The following LCA5L variants were observed in gnomAD, a reference collection of about 807,000 sequenced individuals.
LCA5L encodes lebercilin-like protein.
LCA5L carries 35 observed loss-of-function variants against 45.4 expected under a neutral mutation model. The observed-to-expected ratio is 0.77, with a 90% CI of 0.59 to 1.02. The LOEUF (loss-of-function observed/expected upper bound fraction) is 1.02, where lower values mean the gene tolerates loss of function less well. Ranked by LOEUF, LCA5L falls within the 50% of genes least tolerant of loss-of-function variation. LCA5L has a pLI of 0.00. For missense variants in LCA5L, 668 were observed against 761.6 expected, an observed-to-expected ratio of 0.88 and a Z score of 1.45; for synonymous variants, 233 against 264.7, an observed-to-expected ratio of 0.88 and a Z score of 1.16.
intron 6 of LCA5L, among the ~76,000 whole-genome samples, chr21:39,421,137 C>G (rs1004912249): frequency 3.5e-5 from 5 of 144,260 alleles, no homozygotes; most frequent in Non-Finnish European, 6.0e-5. Context: ...GAGTCTTGCT[C>G]TGTTGCCCAG....
At chr21:39,410,604 A>G (rs1215331057) in intron 8 of LCA5L, among the ~76,000 whole-genome samples, 1 of 152,258 alleles carries the variant, frequency 6.6e-6, no homozygotes, top group East Asian at 1.9e-4. Flanking sequence ...TTAGGATAAG[A>G]CATTGTTGCT....
intron 3 of LCA5L, among the ~76,000 whole-genome samples, chr21:39,434,660 G>A (rs2076118100): frequency 6.6e-6 from 1 of 152,082 alleles, no homozygotes; most frequent in African/African-American, 2.4e-5. Flanking sequence ...TGGGATTACA[G>A]GCACATACCA....
chr21:39,438,038 G>C (rs1351680154), intron 2 of LCA5L, among the ~76,000 whole-genome samples: 2 of 152,042 alleles, frequency 1.3e-5, no homozygotes, highest in Non-Finnish European at 2.9e-5. Flanking sequence ...AATTCACATA[G>C]AGAAATAAAT....
At chr21:39,436,667 G>T (rs918672944) in intron 2 of LCA5L, among the ~76,000 whole-genome samples, 2 of 152,044 alleles carry the variant, frequency 1.3e-5, no homozygotes, top group Non-Finnish European at 2.9e-5. Flanking sequence ...TTTTTGCAGA[G>T]ACGGGATTTT....
chr21:39,413,033 G>A lies in LCA5L; in HGVS notation c.976-1231C>T, dbSNP rs141769089. 1.5e-4 allele frequency among the ~76,000 whole-genome samples: 23 copies of A among 152,292 alleles called. No homozygotes were observed. In the East Asian group the frequency reaches 4.2e-3, roughly 28 times the overall value. On this transcript the variant is annotated intron_variant, in intron 7 of 10. Transcript: ENST00000288350. ...GATCAGATGGAGGATGCATCTCAGAGCATTTGCATCAACAGTCAGCAGGGG... is the reference window on the plus strand; with the variant it reads ...GATCAGATGGAGGATGCATCTCAGAACATTTGCATCAACAGTCAGCAGGGG...
chr21:39,416,519 C>T (rs981068711), intron 7 of LCA5L, among the ~76,000 whole-genome samples: 1 of 152,154 alleles, frequency 6.6e-6, no homozygotes, highest in Non-Finnish European at 1.5e-5. Flanking sequence ...TGGTTTGTTT[C>T]AGTGGGATAT....
At chr21:39,439,767 CT>C (rs1362809309) in intron 2 of LCA5L, 23 of 152,108 alleles carry the variant, frequency 1.5e-4, no homozygotes, top group African/African-American at 5.1e-4. Context: ...AGAAGCATGG[CT>C]GAAGGCTGAG....
At chr21:39,419,627 C>T (rs981726429) in intron 7 of LCA5L, among the ~76,000 whole-genome samples, 2 of 151,906 alleles carry the variant, frequency 1.3e-5, no homozygotes, top group African/African-American at 4.8e-5. Context: ...ACTTTTACGA[C>T]GTGGGCCTTT....
intron 7 of LCA5L, among the ~76,000 whole-genome samples, chr21:39,418,483 A>G (rs184634500): frequency 8.9e-4 from 135 of 152,164 alleles, no homozygotes; most frequent in Admixed American, 4.9e-3. Context: ...TCTGTTAAAA[A>G]TGGTTATTTT....
In LCA5L at chr21:39,405,918, C is replaced by T. The variant is rs776511481; in HGVS notation, c.1977G>A (p.Ser659=). 17 of 1,605,166 alleles carry T rather than the reference C, an allele frequency of 1.1e-5. No homozygotes were observed. Among genetic ancestry groups the T allele is most frequent in the South Asian group, 3.3e-5 (3 of 90,402 alleles). The change falls in exon 11 of 11, where the codon TCG becomes TCA. Residue 659 remains serine, a synonymous_variant. Coordinates refer to ENST00000288350, the MANE Select transcript of LCA5L (RefSeq NM_152505.4). The part of the protein sequence containing the change: ...KVTVVNSIKP[S]SPTEGKRKII... ...TTTTTCTTTTTCCTTCTGTAGGTGA[C>T]GATGGCTTAATAGAATTTACCACAG...
intron 2 of LCA5L, among the ~76,000 whole-genome samples, chr21:39,440,015 T>G (rs73367962): frequency 0.25 from 37,549 of 151,946 alleles, 5,501 homozygotes; most frequent in African/African-American, 0.41. Context: ...ACACAAGGAG[T>G]TATATACAGT....
At chr21:39,426,023 G>A (rs1210459611) in intron 5 of LCA5L, 1 of 152,236 alleles carries the variant, frequency 6.6e-6, no homozygotes, top group Non-Finnish European at 1.5e-5. Context: ...ATATGGCTTG[G>A]ACAAGGAACA....
intron 7 of LCA5L, among the ~76,000 whole-genome samples, chr21:39,416,894 G>C (rs1411204806): frequency 6.6e-6 from 1 of 152,140 alleles, no homozygotes; most frequent in Non-Finnish European, 1.5e-5. Context: ...ACTTGGAATG[G>C]CTTCTTTCTG....
intron 9 of LCA5L, 32 bp downstream of exon 9, chr21:39,410,232 T>C (rs2039851428): frequency 4.4e-6 from 6 of 1,367,430 alleles, no homozygotes; most frequent in Non-Finnish European, 6.2e-6. Context: ...ACATGTTTAA[T>C]CAGACACTGC....
At chr21:39,408,978 T>C (rs1027410349) in intron 10 of LCA5L, among the ~76,000 whole-genome samples, 2 of 152,236 alleles carry the variant, frequency 1.3e-5, no homozygotes, top group African/African-American at 4.8e-5. Context: ...AAGGATACTA[T>C]TATGAAATGA....
rs2039136465 is a variant in LCA5L, at chr21:39,406,796, TAC to T, written c.1283-186_1283-185del. 5.9e-6 allele frequency: 3 copies of T among 512,560 alleles called. No individual in the cohort carries two copies. In the Admixed American group the frequency reaches 1.1e-4, roughly 19 times the overall value. 31.8% of individuals were successfully genotyped at this position (512,560 alleles called of 1,614,324 possible). Reference sequence around the variant, plus strand: ...GGTGCTATTAACAAATGTGTTATGTTACAGTTTCTTGGAACTTCCCAAGCAGA... The same window carrying T: ...GGTGCTATTAACAAATGTGTTATGTTAGTTTCTTGGAACTTCCCAAGCAGA... On this transcript the variant is annotated intron_variant, in intron 10 of 10. Transcript: ENST00000288350.
At position 39,444,123 on chromosome 21, in the gene LCA5L, C is replaced by T. The variant is rs992335131; in HGVS notation, c.-246+12G>A. 3 of 151,962 alleles carry T rather than the reference C, an allele frequency of 2.0e-5. No homozygotes were observed. The highest frequency in any genetic ancestry group is 2.0e-4 in the Admixed American group (3 of 15,280). 9.4% of individuals were successfully genotyped at this position (151,962 alleles called of 1,614,324 possible). The stretch of plus-strand genomic sequence containing the variant: ...GTCACATTGATCGCGGTATCAGCAC[C>T]CAGGTACTTACTATTCAAAATGATC... On this transcript the variant is annotated intron_variant, in intron 2 of 10. Coordinates refer to ENST00000288350, the MANE Select transcript of LCA5L (RefSeq NM_152505.4).
intron 2 of LCA5L, among the ~76,000 whole-genome samples, chr21:39,438,394 G>A (rs1180300465): frequency 1.3e-5 from 2 of 151,966 alleles, no homozygotes; most frequent in African/African-American, 2.4e-5. Context: ...AAAACACAGA[G>A]TGTGGAAAAA....
At chr21:39,426,303 G>A (rs1024031355) in intron 5 of LCA5L, among the ~76,000 whole-genome samples, 1 of 152,128 alleles carries the variant, frequency 6.6e-6, no homozygotes, top group Non-Finnish European at 1.5e-5. Context: ...TACTCCAAGA[G>A]TAATCAGCTT....
Sources: allele counts gnomAD v4.1 joint callset (sites outside exome capture counted in the v4.1 genomes callset), GRCh38; gene constraint gnomAD v4.1.1; transcripts MANE v1.5; gene names NCBI Gene and HGNC (gene_info 2026-07-23, HGNC 2026-07-21).